NTRK3: variants seen among roughly 807,000 people sequenced by gnomAD.
NTRK3 encodes the protein neurotrophic receptor tyrosine kinase 3, also known as NT-3 growth factor receptor.
Under a neutral mutation model 91.7 loss-of-function variants are expected in NTRK3, and 24 were observed. The ratio of observed to expected loss-of-function variants is 0.26; its 90% CI spans 0.19 to 0.37. The LOEUF is 0.37. Among genes scored for constraint, NTRK3 ranks in the 10% least tolerant of loss-of-function variants. The pLI is 1.00. For missense variants in NTRK3, 880 were observed against 1,068.9 expected (o/e 0.82, Z 2.46); for synonymous variants, 483 against 404.0 (o/e 1.20, Z -2.34).
chr15:88,234,869 C>A lies in NTRK3; in HGVS notation c.248+21037G>T, dbSNP rs1029084060. Among the ~76,000 whole-genome samples, 3 of 152,184 alleles carry A rather than the reference C, an allele frequency of 2.0e-5. No homozygotes were observed. Among genetic ancestry groups the A allele is most frequent in the Non-Finnish European group, 4.4e-5 (3 of 68,026 alleles). On this transcript the variant is annotated intron_variant, in intron 3 of 18. Coordinates refer to ENST00000394480, the Ensembl canonical transcript of NTRK3. This position sits in a 1 kb window ranked among gnomAD's most constrained non-coding sequence, Gnocchi z 6.1. ...CCAACCTCCCACTCCCACCAGCGCA[C>A]CCTACTCAGCCCTGCTCCCAGGGCC...
chr15:88,156,364 C>T (rs1221290930), intron 5 of NTRK3, among the ~76,000 whole-genome samples: 3 of 152,176 alleles, frequency 2.0e-5, no homozygotes, highest in African/African-American at 7.2e-5. Context: ...CTTGGCCCAC[C>T]TAATCAAGTC....
In NTRK3 at chr15:87,908,700, C is replaced by T. The variant is rs35687712; in HGVS notation, c.2133+20491G>A. 2,057 of 395,668 alleles carry T rather than the reference C, an allele frequency of 5.2e-3. 12 individuals carry two copies. Among genetic ancestry groups the T allele is most frequent in the Middle Eastern group, 0.013 (21 of 1,580 alleles). 24.5% of individuals were successfully genotyped at this position (395,668 alleles called of 1,614,324 possible). ...ATCTTTAACTGAATGGCGTGTCTCT[C>T]CTGGGCAGGGCCTCAAACATTTGTC... On this transcript the variant is annotated intron_variant, in intron 17 of 18. Transcript: ENST00000394480.
chr15:88,005,002 G>T (rs949397305), intron 14 of NTRK3, among the ~76,000 whole-genome samples: 4 of 152,154 alleles, frequency 2.6e-5, no homozygotes, highest in African/African-American at 9.7e-5. Flanking sequence ...TGAGAAAAAT[G>T]AGGCCTAGAG....
At chr15:87,976,563 G>A (rs757070467) in intron 14 of NTRK3, among the ~76,000 whole-genome samples, 4 of 152,076 alleles carry the variant, frequency 2.6e-5, no homozygotes, top group Non-Finnish European at 5.9e-5. Context: ...AGGGCCTCAC[G>A]GTGTCCTCTC....
At chr15:88,085,720 C>T (rs889099699) in intron 13 of NTRK3, among the ~76,000 whole-genome samples, 2 of 152,198 alleles carry the variant, frequency 1.3e-5, no homozygotes, top group Admixed American at 6.5e-5. Context: ...ATGCATTGAG[C>T]CAGCCCTGCC....
At chr15:87,867,379 GA>G (rs983546236) in exon 19 of NTRK3, 1 of 229,096 alleles carries the variant, frequency 4.4e-6, no homozygotes, top group African/African-American at 2.2e-5. Flanking sequence ...TCAGAGTTTG[GA>G]CAGCTTCCAA....
chr15:87,940,856 G>T (rs1188222573), intron 14 of NTRK3, 103 bp from the exon 15 acceptor site: 25 of 1,544,588 alleles, frequency 1.6e-5, no homozygotes, highest in Non-Finnish European at 2.2e-5. Context: ...TTGGTTCTGA[G>T]CCTACAGCAG....
chr15:88,032,499 G>A (rs867603450), intron 14 of NTRK3, among the ~76,000 whole-genome samples: 9 of 152,244 alleles, frequency 5.9e-5, no homozygotes, highest in Middle Eastern at 3.4e-3. Flanking sequence ...CTCAGGGGCT[G>A]CTGTCTAAAC....
At chr15:88,152,731 C>T (rs1438511462) in intron 5 of NTRK3, among the ~76,000 whole-genome samples, 2 of 152,238 alleles carry the variant, frequency 1.3e-5, no homozygotes, top group African/African-American at 4.8e-5. Context: ...CACTGTGATC[C>T]CTGAAAGCCT....
chr15:88,124,686 T>G (rs1016246032), intron 13 of NTRK3, among the ~76,000 whole-genome samples: 1 of 152,162 alleles, frequency 6.6e-6, no homozygotes, highest in African/African-American at 2.4e-5. Flanking sequence ...GCTCACTCAG[T>G]GGTCGTCTCA....
chr15:88,047,079 A>T (rs576568472), intron 13 of NTRK3, among the ~76,000 whole-genome samples: 1 of 152,310 alleles, frequency 6.6e-6, no homozygotes, highest in South Asian at 2.1e-4. Context: ...CCCTTCAGTC[A>T]CACAGGGAAA....
chr15:87,925,441 GCA>G (rs61582719), intron 17 of NTRK3: 4,065 of 178,824 alleles, frequency 0.023, 38 homozygotes, highest in East Asian at 0.089. Context: ...ACACGTGTAT[GCA>G]CACACACACA....
At chr15:87,916,489 C>A (rs1016241992) in intron 17 of NTRK3, 1 of 701,724 alleles carries the variant, frequency 1.4e-6, no homozygotes, top group East Asian at 2.7e-5. Context: ...CATGCTTCAA[C>A]GTCTCAGAAT....
intron 3 of NTRK3, among the ~76,000 whole-genome samples, chr15:88,208,301 A>G (rs1419649741): frequency 2.0e-5 from 3 of 151,092 alleles, no homozygotes; most frequent in East Asian, 2.0e-4. Flanking sequence ...CTTGGTCTCC[A>G]CCCCCTTTGG....
intron 5 of NTRK3, among the ~76,000 whole-genome samples, chr15:88,179,851 G>C (rs571880141): frequency 6.6e-6 from 1 of 152,172 alleles, no homozygotes; most frequent in Non-Finnish European, 1.5e-5. Context: ...TAAAAGAGGA[G>C]AATAGAGAAC....
intron 13 of NTRK3, among the ~76,000 whole-genome samples, chr15:88,061,401 G>A (rs1259259524): frequency 6.6e-6 from 1 of 152,222 alleles, no homozygotes. Flanking sequence ...TGGTCAGAAG[G>A]GACACGGAAT....
At chr15:88,134,879 T>G (rs943474535) in intron 10 of NTRK3, among the ~76,000 whole-genome samples, 1 of 152,234 alleles carries the variant, frequency 6.6e-6, no homozygotes, top group African/African-American at 2.4e-5. Context: ...CAACTGTTAT[T>G]TCTAAGAAGT....
intron 13 of NTRK3, among the ~76,000 whole-genome samples, chr15:88,042,090 C>A (rs1434339548): frequency 2.6e-5 from 4 of 152,108 alleles, no homozygotes; most frequent in Non-Finnish European, 5.9e-5. Flanking sequence ...AAACCTCAAC[C>A]TTTTCCTACT....
intron 14 of NTRK3, among the ~76,000 whole-genome samples, chr15:87,974,996 C>A (rs910748817): frequency 1.3e-5 from 2 of 152,158 alleles, no homozygotes; most frequent in African/African-American, 4.8e-5. Flanking sequence ...GTCAGGCAGT[C>A]CCCCTGTCAG....
Sources: allele counts gnomAD v4.1 joint callset (sites outside exome capture counted in the v4.1 genomes callset), GRCh38; gene constraint gnomAD v4.1.1; non-coding constraint Gnocchi (gnomAD v3.1); transcripts MANE v1.5; gene names NCBI Gene and HGNC (gene_info 2026-07-23, HGNC 2026-07-21).